Variants in BRWD3 observed in about 807,000 individuals in gnomAD.
BRWD3 encodes the protein bromodomain and WD repeat-containing protein 3.
A neutral mutation model predicts 149.7 loss-of-function variants in BRWD3; 10 were observed. The observed-to-expected ratio is 0.07, with a 90% confidence interval of 0.04 to 0.11. BRWD3 has a LOEUF of 0.11. BRWD3 is among the 10% of genes least tolerant of loss of function. The probability of loss-of-function intolerance (pLI) is 1.00; values close to 1 mark genes in which losing one functional copy is unlikely to be tolerated. For missense variants in BRWD3, 940 were observed against 1,373.2 expected (o/e 0.68, Z 4.99); for synonymous variants, 504 against 456.7 (o/e 1.10, Z -1.32).
chrX:80,701,992 A>G (rs1207826293), intron 24 of BRWD3, among the ~76,000 whole-genome samples: 1 of 111,762 alleles, frequency 8.9e-6, no homozygotes, highest in African/African-American at 3.2e-5. Context: ...GGACTGGCCA[A>G]TGAAAAACAA....
chrX:80,799,875 G>C (rs987690871), intron 4 of BRWD3, among the ~76,000 whole-genome samples: 9 of 111,100 alleles, frequency 8.1e-5, no homozygotes, highest in African/African-American at 2.9e-4. Context: ...ACTAAAGTTC[G>C]GTTAGGACAA....
intron 17 of BRWD3, among the ~76,000 whole-genome samples, chrX:80,720,112 A>G (rs1032210382): frequency 2.0e-4 from 22 of 112,270 alleles, no homozygotes; most frequent in African/African-American, 6.8e-4. Context: ...TGCACAGTAC[A>G]TAATATTTGG....
intron 31 of BRWD3, 23 bp downstream of exon 31, chrX:80,691,030 T>C: frequency 1.7e-6 from 2 of 1,200,970 alleles, no homozygotes; most frequent in South Asian, 1.8e-5. Flanking sequence ...AATTTTATAA[T>C]AAGTGATTAA....
In BRWD3 at chrX:80,744,021, A is replaced by T; in HGVS notation, c.813+11T>A. ...ACATATGTTCAAGCTAAATTTTATCACTTTTCTTACCTGTATGGAAGTAAT... is the reference window on the plus strand; with the variant it reads ...ACATATGTTCAAGCTAAATTTTATCTCTTTTCTTACCTGTATGGAAGTAAT... On this transcript the variant is annotated intron_variant, in intron 8 of 40. Transcript: ENST00000373275. 1 of 1,191,294 alleles carries T rather than the reference A, an allele frequency of 8.4e-7. No individual in the cohort carries two copies. Among genetic ancestry groups the T allele is most frequent in the Non-Finnish European group, 1.1e-6 (1 of 878,340 alleles).
intron 4 of BRWD3, among the ~76,000 whole-genome samples, chrX:80,799,731 C>G (rs2147864117): frequency 9.6e-6 from 1 of 104,704 alleles, no homozygotes; most frequent in African/African-American, 3.5e-5. Context: ...TCTTTTTTGG[C>G]AGTATGATCC....
chrX:80,759,682 A>G (rs2073782653), intron 6 of BRWD3, among the ~76,000 whole-genome samples: 1 of 111,965 alleles, frequency 8.9e-6, no homozygotes, highest in South Asian at 3.7e-4. Flanking sequence ...GGGCATTTCT[A>G]TATGGGTCAA....
intron 24 of BRWD3, among the ~76,000 whole-genome samples, chrX:80,700,501 T>C (rs950568867): frequency 6.5e-5 from 6 of 91,920 alleles, no homozygotes; most frequent in Admixed American, 2.5e-4. Context: ...CTTTGGGAGG[T>C]TGAGGCAGGT....
intron 20 of BRWD3, chrX:80,709,844 A>C (rs1205599522): frequency 2.0e-6 from 1 of 498,685 alleles, no homozygotes; most frequent in Non-Finnish European, 3.4e-6. Context: ...ACTTCTCTGT[A>C]CAACGCAGAG....
At position 80,726,207 on chromosome X, in the gene BRWD3, A is replaced by G. The variant is rs756695531; in HGVS notation, c.1387-1140T>C. On this transcript the variant is annotated intron_variant, in intron 14 of 40. Coordinates refer to ENST00000373275, the MANE Select transcript of BRWD3 (RefSeq NM_153252.5). ...AACATATAACACGTTTACATGTTAT[A>G]TGTCTGTATAACATATAACACGTTT... Among the ~76,000 whole-genome samples the G allele has an allele frequency of 2.3e-4, 24 of 105,807 alleles. No homozygotes were observed. In the South Asian group the frequency reaches 9.7e-3, roughly 43 times the overall value. 91.9% of individuals were successfully genotyped at this position (105,807 alleles called of 115,157 possible).
chrX:80,798,666 C>T (rs1002204508), intron 4 of BRWD3, among the ~76,000 whole-genome samples: 24 of 109,826 alleles, frequency 2.2e-4, no homozygotes, highest in Admixed American at 1.9e-3. Context: ...GGTGTGGTGG[C>T]TCACGCCTGT....
intron 20 of BRWD3, among the ~76,000 whole-genome samples, chrX:80,712,527 G>A (rs1419590499): frequency 9.0e-6 from 1 of 110,880 alleles, no homozygotes; most frequent in Non-Finnish European, 1.9e-5. Flanking sequence ...CGCCTGCCTT[G>A]GCCTCCCAAA....
At chrX:80,709,262 T>G (rs1037718815) in intron 21 of BRWD3, among the ~76,000 whole-genome samples, 166 bp downstream of exon 21, 1 of 111,585 alleles carries the variant, frequency 9.0e-6, no homozygotes, top group Non-Finnish European at 1.9e-5. Context: ...CTAAATGAAT[T>G]AAATATGCCC....
rs771487426 is a variant in BRWD3 at position 80,675,825 on chromosome X, T to A, written c.*784A>T. 1.8e-5 allele frequency: 2 copies of A among 111,826 alleles called. No homozygotes were observed. The highest frequency in any genetic ancestry group is 3.8e-5 in the Non-Finnish European group (2 of 53,111). 9.2% of individuals were successfully genotyped at this position (111,826 alleles called of 1,213,427 possible). A position where few individuals can be genotyped will look rare whatever the true frequency, so the allele number is the denominator to read the frequency against. Reference sequence around the variant, plus strand: ...AAATTGATGCGGGAAACTTTTGCATTTGGCACCTTGTCTAGATTGATACCT... The same window carrying A: ...AAATTGATGCGGGAAACTTTTGCATATGGCACCTTGTCTAGATTGATACCT... On this transcript the variant is annotated 3_prime_UTR_variant, in exon 41 of 41. Transcript: ENST00000373275.
chrX:80,758,026 C>T (rs771144043), intron 6 of BRWD3, among the ~76,000 whole-genome samples: 1 of 110,940 alleles, frequency 9.0e-6, no homozygotes, highest in Admixed American at 9.6e-5. Context: ...ACGGTGAAAC[C>T]CCGTCTCTAC....
chrX:80,726,900 C>T (rs1449345398), intron 14 of BRWD3, among the ~76,000 whole-genome samples: 7 of 110,211 alleles, frequency 6.4e-5, no homozygotes, highest in African/African-American at 2.3e-4. Flanking sequence ...TCTGATATAG[C>T]CAATATTTTC....
At chrX:80,750,857 T>TAC (rs59394410) in intron 6 of BRWD3, among the ~76,000 whole-genome samples, 3,246 of 93,852 alleles carry the variant, frequency 0.035, 117 homozygotes, top group African/African-American at 0.1. Context: ...ATGTGTTTTA[T>TAC]ACACACACAC....
At chrX:80,745,912 C>T (rs2073586281) in intron 6 of BRWD3, among the ~76,000 whole-genome samples, 183 bp from the exon 7 acceptor site, 1 of 110,655 alleles carries the variant, frequency 9.0e-6, no homozygotes, top group Non-Finnish European at 1.9e-5. Flanking sequence ...CAAGAAAGCA[C>T]CAAGAATACT....
Position 80,692,945 on chromosome X carries a change from A to C in BRWD3, c.3258T>G (p.Ser1086Arg), listed in dbSNP as rs2072632427. 1 of 1,197,172 alleles carries C rather than the reference A, an allele frequency of 8.4e-7. No homozygotes were observed. The highest frequency in any genetic ancestry group is 1.1e-6 in the Non-Finnish European group (1 of 883,364). ...EYPDSSFQCY[S>R]VHWDNNEREK... ...AAGATCATAAACATACTTACTGAAC[A>C]CTGTAACACTGGAAAGAACTATCAG... Residue 1086 changes from serine (S) to arginine (R), a missense_variant, in exon 28 of 41, where the codon AGT becomes AGG. Physicochemically the swap from Ser to Arg is moderately radical, Grantham distance 110 (BLOSUM62 -1). Transcript: ENST00000373275.
intron 40 of BRWD3, among the ~76,000 whole-genome samples, chrX:80,680,072 T>C (rs1241212736): frequency 2.7e-5 from 3 of 112,368 alleles, no homozygotes; most frequent in African/African-American, 9.7e-5. Flanking sequence ...TTTAAGTTAT[T>C]TGATGGTTAA....
Sources: gnomAD v4.1 joint callset for allele counts (sites outside exome capture counted in the v4.1 genomes callset) on GRCh38, gnomAD v4.1.1 for gene constraint, MANE v1.5 for transcripts, NCBI Gene and HGNC (gene_info 2026-07-23, HGNC 2026-07-21) for gene names.